Variants in CDC42BPB observed in about 807,000 individuals in gnomAD.
The protein encoded by CDC42BPB is serine/threonine-protein kinase MRCK beta.
A neutral mutation model predicts 214.9 loss-of-function variants in CDC42BPB; 37 were observed. The observed-to-expected ratio is 0.17, with a 90% CI of 0.13 to 0.23. CDC42BPB has a LOEUF of 0.23. CDC42BPB is among the 10% of genes least tolerant of loss of function. The probability of loss-of-function intolerance (pLI) is 1.00; values close to 1 mark genes in which losing one functional copy is unlikely to be tolerated. For synonymous variants in CDC42BPB, 931 were observed against 884.0 expected (o/e 1.05, Z -0.94); for missense variants, 1,694 against 2,227.0 (o/e 0.76, Z 4.82).
chr14:103,050,767 A>G (rs1292788468), intron 1 of CDC42BPB, among the ~76,000 whole-genome samples: 2 of 152,048 alleles, frequency 1.3e-5, no homozygotes, highest in South Asian at 2.1e-4. Context: ...GGGGGGAAAA[A>G]AAAAAATTCT....
intron 36 of CDC42BPB, chr14:102,934,063 T>A: frequency 7.6e-7 from 1 of 1,309,934 alleles, no homozygotes; most frequent in Non-Finnish European, 9.7e-7. Flanking sequence ...AAAAATAACA[T>A]GGTAATTATC....
intron 7 of CDC42BPB, among the ~76,000 whole-genome samples, chr14:102,981,876 CATG>C (rs1894019959): frequency 6.6e-6 from 1 of 152,054 alleles, no homozygotes; most frequent in Non-Finnish European, 1.5e-5. Context: ...TGATATGTAA[CATG>C]ATGCCACGTA....
Position 103,014,121 on chromosome 14 carries a change from G to A in CDC42BPB, c.176-1933C>T, listed in dbSNP as rs182495574. Among the ~76,000 whole-genome samples the A allele has an allele frequency of 2.4e-3, 353 of 149,564 alleles. 1 individual carries two copies. Among genetic ancestry groups the A allele is most frequent in the African/African-American group, 8.1e-3 (328 of 40,442 alleles). The stretch of plus-strand genomic sequence containing the variant: ...GTGGAGCTTGCAGTAAGCCGAGATC[G>A]TGCCACTGCACTCTAGCCTGGGCGA... On this transcript the variant is annotated intron_variant, in intron 1 of 36. Transcript: ENST00000361246.
chr14:103,013,449 G>C (rs1886270881), intron 1 of CDC42BPB, among the ~76,000 whole-genome samples: 1 of 152,222 alleles, frequency 6.6e-6, no homozygotes, highest in African/African-American at 2.4e-5. Context: ...CCAGGTTTCT[G>C]TGGGCACTGT....
At chr14:102,963,390 G>T in intron 19 of CDC42BPB, 1 of 600,698 alleles carries the variant, frequency 1.7e-6, no homozygotes, top group Non-Finnish European at 2.1e-6. Context: ...CGTGTCTCAT[G>T]AAGGCCTAAT....
chr14:103,020,199 G>GA (rs1176688111), intron 1 of CDC42BPB, among the ~76,000 whole-genome samples: 1 of 152,242 alleles, frequency 6.6e-6, no homozygotes, highest in Non-Finnish European at 1.5e-5. Context: ...TTTGGAATTG[G>GA]AAAGAGTCTG....
intron 9 of CDC42BPB, 31 bp from the exon 10 acceptor site, chr14:102,976,080 C>G: frequency 6.2e-7 from 1 of 1,602,168 alleles, no homozygotes; most frequent in Non-Finnish European, 8.5e-7. Flanking sequence ...TTTTTTTGAT[C>G]TACTGAAAAT....
intron 1 of CDC42BPB, among the ~76,000 whole-genome samples, chr14:103,035,658 G>T (rs1887622579): frequency 1.3e-5 from 2 of 152,032 alleles, no homozygotes; most frequent in African/African-American, 4.8e-5. Context: ...GGCTAACATG[G>T]TGAAACCCCA....
intron 1 of CDC42BPB, among the ~76,000 whole-genome samples, chr14:103,033,894 G>A (rs1292406985): frequency 6.6e-6 from 1 of 152,126 alleles, no homozygotes; most frequent in Non-Finnish European, 1.5e-5. Context: ...TCAGCCCCAC[G>A]CCTGGTGTAT....
chr14:103,044,609 T>C (rs1595188193), intron 1 of CDC42BPB, among the ~76,000 whole-genome samples: 1 of 151,930 alleles, frequency 6.6e-6, no homozygotes, highest in Non-Finnish European at 1.5e-5. Context: ...GACCTCATGA[T>C]CCGCCAGCCT....
intron 1 of CDC42BPB, among the ~76,000 whole-genome samples, chr14:103,053,159 C>T (rs1888705582): frequency 6.6e-6 from 1 of 151,172 alleles, no homozygotes; most frequent in South Asian, 2.1e-4. Flanking sequence ...ACCAGCCTGG[C>T]CAAGATGGTG....
chr14:103,056,803 G>C (rs1284392048), intron 1 of CDC42BPB, among the ~76,000 whole-genome samples, 196 bp downstream of exon 1: 1 of 151,982 alleles, frequency 6.6e-6, no homozygotes, highest in African/African-American at 2.4e-5. Flanking sequence ...AGGGACGAGG[G>C]TGCAAGGAGC....
chr14:102,939,571 T>C (rs1265519761), intron 34 of CDC42BPB, 39 bp downstream of exon 34: 1 of 1,427,358 alleles, frequency 7.0e-7, no homozygotes, highest in African/African-American at 1.4e-5. Context: ...GAGGAGGAGA[T>C]GGGGTGCCCT....
intron 23 of CDC42BPB, chr14:102,952,840 G>T: frequency 1.6e-6 from 1 of 630,022 alleles, no homozygotes; most frequent in Non-Finnish European, 2.0e-6. Context: ...GGAGAGCACT[G>T]CTACCAAAAA....
chr14:102,982,095 C>T (rs1344584229), intron 7 of CDC42BPB, among the ~76,000 whole-genome samples: 2 of 152,126 alleles, frequency 1.3e-5, no homozygotes, highest in Non-Finnish European at 2.9e-5. Context: ...TTAGTAATAA[C>T]GAAGTCCCAG....
chr14:102,973,280 G>C (rs1893568736), intron 12 of CDC42BPB, among the ~76,000 whole-genome samples: 2 of 152,208 alleles, frequency 1.3e-5, no homozygotes, highest in Non-Finnish European at 2.9e-5. Flanking sequence ...ATTATCTTAA[G>C]AAACAATCTG....
intron 21 of CDC42BPB, among the ~76,000 whole-genome samples, chr14:102,957,118 T>G (rs1012623378): frequency 6.7e-6 from 1 of 149,066 alleles, no homozygotes; most frequent in Non-Finnish European, 1.5e-5. Flanking sequence ...CAAGAATTGC[T>G]TGAACCTGGG....
At chr14:102,950,374 C>T in intron 25 of CDC42BPB, 92 bp downstream of exon 25, 1 of 1,514,844 alleles carries the variant, frequency 6.6e-7, no homozygotes, top group Non-Finnish European at 9.0e-7. Context: ...CCTGCCGCAG[C>T]AAGGGGCTGC....
At chr14:103,031,913 T>G (rs1410780124) in intron 1 of CDC42BPB, among the ~76,000 whole-genome samples, 1 of 152,034 alleles carries the variant, frequency 6.6e-6, no homozygotes, top group African/African-American at 2.4e-5. Flanking sequence ...AAAAGTTGAG[T>G]CCTCACTAAT....
Sources: gnomAD v4.1 joint callset for allele counts (sites outside exome capture counted in the v4.1 genomes callset) on GRCh38, gnomAD v4.1.1 for gene constraint, MANE v1.5 for transcripts, NCBI Gene and HGNC (gene_info 2026-07-23, HGNC 2026-07-21) for gene names.